Variants in ROBO2 observed in about 807,000 individuals in gnomAD.
ROBO2 encodes roundabout guidance receptor 2, also known as roundabout homolog 2.
ROBO2 carries 53 observed loss-of-function variants against 160.8 expected under a neutral mutation model. The ratio of observed to expected loss-of-function variants is 0.33; its 90% confidence interval spans 0.26 to 0.41. ROBO2 has a LOEUF of 0.41. ROBO2 is among the 10% of genes least tolerant of loss of function. The pLI is 1.00. For synonymous variants in ROBO2, 664 were observed against 611.7 expected (o/e 1.09, Z -1.26); for missense variants, 1,577 against 1,722.4 (o/e 0.92, Z 1.49).
intron 6 of ROBO2, among the ~76,000 whole-genome samples, chr3:77,538,118 CA>C (rs111744386): frequency 1.4e-5 from 2 of 144,840 alleles, no homozygotes; most frequent in Non-Finnish European, 3.0e-5. Context: ...CAATAAAAAA[CA>C]AAAAAAATAG....
intron 2 of ROBO2, among the ~76,000 whole-genome samples, chr3:76,443,831 T>C (rs2077041360): frequency 6.6e-6 from 1 of 152,234 alleles, no homozygotes; most frequent in Non-Finnish European, 1.5e-5. Context: ...AGTAGAAATT[T>C]GAAAACTTCT....
intron 2 of ROBO2, among the ~76,000 whole-genome samples, chr3:76,359,509 A>G (rs951889483): frequency 6.6e-6 from 1 of 152,068 alleles, no homozygotes; most frequent in Non-Finnish European, 1.5e-5. Context: ...ACCTAAGTGC[A>G]CTAGTGAAGC....
intron 2 of ROBO2, among the ~76,000 whole-genome samples, chr3:76,845,794 A>G (rs1327444822): frequency 6.6e-6 from 1 of 152,028 alleles, no homozygotes; most frequent in Non-Finnish European, 1.5e-5. Flanking sequence ...ATTTCATCAT[A>G]ATTCTGACAA....
intron 1 of ROBO2, among the ~76,000 whole-genome samples, chr3:77,081,348 C>T (rs936541788): frequency 2.6e-5 from 4 of 152,162 alleles, no homozygotes; most frequent in Non-Finnish European, 2.9e-5. Flanking sequence ...GGATGCCATC[C>T]AAAGGAACTG....
intron 2 of ROBO2, among the ~76,000 whole-genome samples, chr3:77,016,890 G>A (rs977392513): frequency 2.0e-5 from 3 of 151,996 alleles, no homozygotes; most frequent in Non-Finnish European, 2.9e-5. Context: ...CGTGAAAGTC[G>A]GAAATACACA....
At chr3:77,571,229 A>C (rs1478855056) in intron 13 of ROBO2, among the ~76,000 whole-genome samples, 1 of 152,004 alleles carries the variant, frequency 6.6e-6, no homozygotes, top group Non-Finnish European at 1.5e-5. Flanking sequence ...AAACCCATCA[A>C]AGAAAATTCA....
intron 11 of ROBO2, chr3:77,564,570 C>A: frequency 2.4e-6 from 1 of 424,568 alleles, no homozygotes; most frequent in South Asian, 1.8e-5. Flanking sequence ...ATTCTTTCTA[C>A]AGGTTAATTC....
chr3:76,859,634 TGTG>T (rs564742545), intron 2 of ROBO2, among the ~76,000 whole-genome samples: 69 of 152,322 alleles, frequency 4.5e-4, no homozygotes, highest in African/African-American at 1.6e-3. Context: ...ACCCTGAGGA[TGTG>T]GTGAGAACAC....
In ROBO2 at chr3:77,048,563, T is replaced by C. The variant is rs1174010211; in HGVS notation, c.61+7717T>C. On this transcript the variant is annotated intron_variant, in intron 1 of 25. Transcript: ENST00000461745. Reference sequence around the variant, plus strand: ...ATAATTTTTACCTGGTGCTTTGATATAACGTACTGTGGAGATAAATCTTGT... The same window carrying C: ...ATAATTTTTACCTGGTGCTTTGATACAACGTACTGTGGAGATAAATCTTGT... Among the ~76,000 whole-genome samples the C allele has an allele frequency of 3.0e-4, 46 of 152,226 alleles. 1 individual carries two copies. Among genetic ancestry groups the C allele is most frequent in the Non-Finnish European group, 1.2e-4 (8 of 68,034 alleles).
intron 2 of ROBO2, among the ~76,000 whole-genome samples, chr3:76,278,851 T>A (rs986381995): frequency 6.6e-6 from 1 of 151,916 alleles, no homozygotes; most frequent in Non-Finnish European, 1.5e-5. Context: ...AGTCCTCCTC[T>A]ATAGGTTCAC....
At chr3:76,153,889 C>A (rs1468463632) in intron 2 of ROBO2, among the ~76,000 whole-genome samples, 1 of 152,094 alleles carries the variant, frequency 6.6e-6, no homozygotes, top group African/African-American at 2.4e-5. Context: ...AGCCCCAACA[C>A]AACTGCAGAG....
At chr3:77,529,712 T>C (rs1263754796) in intron 6 of ROBO2, among the ~76,000 whole-genome samples, 1 of 151,910 alleles carries the variant, frequency 6.6e-6, no homozygotes, top group Non-Finnish European at 1.5e-5. Flanking sequence ...TAAATTCCCA[T>C]TGGACTGGAA....
intron 2 of ROBO2, among the ~76,000 whole-genome samples, chr3:75,951,149 C>T (rs1280268120): frequency 6.6e-6 from 1 of 151,898 alleles, no homozygotes; most frequent in Admixed American, 6.6e-5. Flanking sequence ...CCCAATTTAT[C>T]CCCCCTGTAT....
chr3:76,704,362 T>G (rs956639511), intron 2 of ROBO2, among the ~76,000 whole-genome samples: 1 of 152,130 alleles, frequency 6.6e-6, no homozygotes, highest in Non-Finnish European at 1.5e-5. Flanking sequence ...TTTACTGCAT[T>G]TTGACTTTTG....
chr3:76,744,659 G>A (rs1005108519), intron 2 of ROBO2, among the ~76,000 whole-genome samples: 2 of 151,964 alleles, frequency 1.3e-5, no homozygotes, highest in African/African-American at 2.4e-5. Context: ...ACCACGCCTG[G>A]CAAGAATTGA....
At chr3:76,660,136 T>C (rs2091754730) in intron 2 of ROBO2, among the ~76,000 whole-genome samples, 1 of 152,232 alleles carries the variant, frequency 6.6e-6, no homozygotes, top group African/African-American at 2.4e-5. Context: ...AGTAATTTTA[T>C]GCTTGTGAAA....
chr3:77,530,075 T>G (rs1582740127), intron 6 of ROBO2, among the ~76,000 whole-genome samples: 1 of 151,930 alleles, frequency 6.6e-6, no homozygotes, highest in East Asian at 1.9e-4. Context: ...TTATATTTGT[T>G]AATGCACTAA....
intron 2 of ROBO2, among the ~76,000 whole-genome samples, chr3:76,557,502 T>A (rs775031601): frequency 6.6e-6 from 1 of 151,856 alleles, no homozygotes; most frequent in African/African-American, 2.4e-5. Flanking sequence ...TTATCTTTCC[T>A]ATATACCATT....
At chr3:76,685,594 T>G (rs2107064592) in intron 2 of ROBO2, among the ~76,000 whole-genome samples, 1 of 152,198 alleles carries the variant, frequency 6.6e-6, no homozygotes, top group South Asian at 2.1e-4. Flanking sequence ...GAATTCTGGG[T>G]TTTTCCAATT....
Sources: gnomAD v4.1 joint callset for allele counts (sites outside exome capture counted in the v4.1 genomes callset) on GRCh38, gnomAD v4.1.1 for gene constraint, MANE v1.5 for transcripts, NCBI Gene and HGNC (gene_info 2026-07-23, HGNC 2026-07-21) for gene names.